Variants in PHLDB2 observed in about 807,000 individuals in gnomAD.
The protein encoded by PHLDB2 is pleckstrin homology like domain family B member 2.
Under a neutral mutation model 123.6 loss-of-function variants are expected in PHLDB2, and 71 were observed. That is an observed-to-expected ratio of 0.57 (90% CI 0.47 to 0.70). PHLDB2 has a LOEUF of 0.70. PHLDB2 is among the 30% of genes least tolerant of loss of function. PHLDB2 has a pLI of 0.00. For synonymous variants in PHLDB2, 547 were observed against 541.6 expected, an observed-to-expected ratio of 1.01 and a Z score of -0.14; for missense variants, 1,446 against 1,519.5, an observed-to-expected ratio of 0.95 and a Z score of 0.80.
At position 111,898,848 on chromosome 3, in the gene PHLDB2, CT is replaced by C. The variant is rs1309632463; in HGVS notation, c.1335+13440del. On this transcript the variant is annotated intron_variant, in intron 2 of 17. Transcript: ENST00000431670. ...TCAGGTTCCACATTTAGTTATAGTTCTTTTGCTGTTTCTATCACATCTGCAG... is the reference window on the plus strand; with the variant it reads ...TCAGGTTCCACATTTAGTTATAGTTCTTTGCTGTTTCTATCACATCTGCAG... Among the ~76,000 whole-genome samples the C allele has an allele frequency of 2.0e-5, 3 of 152,298 alleles. No homozygotes were observed. In the East Asian group the frequency reaches 5.8e-4, roughly 29 times the overall value.
At chr3:111,786,132 G>A (rs1049633367) in intron 1 of PHLDB2, among the ~76,000 whole-genome samples, 2 of 152,068 alleles carry the variant, frequency 1.3e-5, no homozygotes, top group South Asian at 2.1e-4. Context: ...TCAAGTCTCT[G>A]ATATAAAATG....
At chr3:111,828,445 G>C (rs1177270297) in intron 1 of PHLDB2, among the ~76,000 whole-genome samples, 1 of 152,132 alleles carries the variant, frequency 6.6e-6, no homozygotes, top group East Asian at 1.9e-4. Context: ...AACACATATT[G>C]AATGACATAC....
intron 12 of PHLDB2, chr3:111,960,215 T>C: frequency 3.8e-6 from 3 of 789,996 alleles, no homozygotes; most frequent in Non-Finnish European, 4.6e-6. Context: ...TTCGCCTTCC[T>C]TAAAAAAAGA....
intron 15 of PHLDB2, among the ~76,000 whole-genome samples, chr3:111,969,328 G>A (rs1464333627): frequency 1.3e-5 from 2 of 152,218 alleles, no homozygotes; most frequent in African/African-American, 4.8e-5. Flanking sequence ...AAACTTAACA[G>A]TGGAGCAGTC....
At chr3:111,862,679 G>T (rs1026886249) in intron 1 of PHLDB2, among the ~76,000 whole-genome samples, 2 of 152,108 alleles carry the variant, frequency 1.3e-5, no homozygotes, top group African/African-American at 4.8e-5. Context: ...TTAAACAAGA[G>T]ACCCTTATCA....
chr3:111,885,440 C>G (rs1287576778), intron 2 of PHLDB2, 28 bp downstream of exon 2: 1 of 1,613,034 alleles, frequency 6.2e-7, no homozygotes, highest in South Asian at 1.1e-5. Flanking sequence ...AGTGATTGAC[C>G]TCACTGTTTC....
chr3:111,952,358 A>G (rs184162179), intron 10 of PHLDB2, among the ~76,000 whole-genome samples: 6 of 152,342 alleles, frequency 3.9e-5, no homozygotes, highest in Admixed American at 2.0e-4. Context: ...GAATTTTTTA[A>G]AGATTTCTAG....
intron 2 of PHLDB2, among the ~76,000 whole-genome samples, chr3:111,901,312 A>T (rs1305244904): frequency 2.0e-5 from 3 of 151,348 alleles, no homozygotes; most frequent in Non-Finnish European, 2.9e-5. Context: ...GTGAGCCAAG[A>T]TCGCACCATT....
At chr3:111,784,045 C>T (rs1439959044) in intron 1 of PHLDB2, among the ~76,000 whole-genome samples, 2 of 152,092 alleles carry the variant, frequency 1.3e-5, no homozygotes, top group Non-Finnish European at 2.9e-5. Context: ...TGCCTGGTGT[C>T]ACTGATGATG....
At chr3:111,796,727 A>G (rs2061177732) in intron 1 of PHLDB2, among the ~76,000 whole-genome samples, 1 of 152,064 alleles carries the variant, frequency 6.6e-6, no homozygotes, top group African/African-American at 2.4e-5. Flanking sequence ...GGGTCTTGCC[A>G]TGTTAGCCAG....
chr3:111,901,143 A>G (rs888022586), intron 2 of PHLDB2, among the ~76,000 whole-genome samples: 4 of 152,058 alleles, frequency 2.6e-5, no homozygotes, highest in Admixed American at 6.6e-5. Context: ...GCGAATCACG[A>G]GGTCAGGAGA....
chr3:111,840,875 T>C (rs999974500), intron 1 of PHLDB2, among the ~76,000 whole-genome samples: 2 of 152,200 alleles, frequency 1.3e-5, no homozygotes, highest in Non-Finnish European at 2.9e-5. Context: ...CTACTTTTCT[T>C]CTACTGCCTC....
chr3:111,824,459 T>C (rs1467579694), intron 1 of PHLDB2, among the ~76,000 whole-genome samples: 1 of 152,190 alleles, frequency 6.6e-6, no homozygotes, highest in Non-Finnish European at 1.5e-5. Flanking sequence ...GCCAAAGAGT[T>C]ATCTAATAAC....
At chr3:111,826,611 T>C (rs1358720682) in intron 1 of PHLDB2, among the ~76,000 whole-genome samples, 2 of 152,216 alleles carry the variant, frequency 1.3e-5, no homozygotes, top group East Asian at 3.8e-4. Flanking sequence ...AGTAGAGTTC[T>C]GGCTAGATGA....
chr3:111,780,399 A>AGAAGAAGAAGAAGAAGAAGAAGAAGGAG lies in PHLDB2; in HGVS notation c.-49+47708_-49+47709insGAAGAAGAAGAAGGAGGAAGAAGAAGAA, dbSNP rs1553726797. ...AAGAAGAAGAAGAAGAAGAAGAAGA[A>AGAAGAAGAAGAAGAAGAAGAAGAAGGAG]GAAGAAGAAGAAAAAGATTAGTTCG... On this transcript the variant is annotated intron_variant, in intron 1 of 17. Transcript: ENST00000393923. 6.7e-5 allele frequency among the ~76,000 whole-genome samples: 5 copies of AGAAGAAGAAGAAGAAGAAGAAGAAGGAG among 74,364 alleles called. 1 individual carries two copies. The highest frequency in any genetic ancestry group is 1.4e-4 in the Admixed American group (1 of 6,984). The allele number at this position is 74,364 out of a possible 152,430, so 48.8% of individuals were successfully genotyped here. A position where few individuals can be genotyped will look rare whatever the true frequency, so the allele number is the denominator to read the frequency against.
chr3:111,837,798 T>A (rs1415887072), intron 1 of PHLDB2, among the ~76,000 whole-genome samples: 1 of 152,198 alleles, frequency 6.6e-6, no homozygotes, highest in African/African-American at 2.4e-5. Context: ...ATTTCAGGAC[T>A]GTGGAAGGCC....
At chr3:111,742,345 T>C (rs2059617397) in intron 1 of PHLDB2, among the ~76,000 whole-genome samples, 1 of 152,166 alleles carries the variant, frequency 6.6e-6, no homozygotes, top group Non-Finnish European at 1.5e-5. Context: ...AATTCTAGGG[T>C]ACATGTGCAC....
chr3:111,902,487 A>G (rs533923505), intron 2 of PHLDB2, among the ~76,000 whole-genome samples: 17 of 152,254 alleles, frequency 1.1e-4, no homozygotes, highest in African/African-American at 4.1e-4. Flanking sequence ...ATAAATAAAC[A>G]TTACTTTAGC....
chr3:111,904,353 CAGAG>C (rs534633275), intron 2 of PHLDB2, among the ~76,000 whole-genome samples: 1 of 148,976 alleles, frequency 6.7e-6, no homozygotes, highest in South Asian at 2.1e-4. Context: ...TATAAGATGA[CAGAG>C]AGGTACTGAG....
Sources: gnomAD v4.1 joint callset for allele counts (sites outside exome capture counted in the v4.1 genomes callset) on GRCh38, gnomAD v4.1.1 for gene constraint, MANE v1.5 for transcripts, NCBI Gene and HGNC (gene_info 2026-07-23, HGNC 2026-07-21) for gene names.